ABCG1: variants seen among roughly 807,000 people sequenced by gnomAD.
ABCG1 encodes the protein ATP binding cassette subfamily G member 1.
A neutral mutation model predicts 69.2 loss-of-function variants in ABCG1; 29 were observed. The ratio of observed to expected loss-of-function variants is 0.42; its 90% confidence interval spans 0.31 to 0.57. The LOEUF (loss-of-function observed/expected upper bound fraction) is 0.57, where lower values mean the gene tolerates loss of function less well. ABCG1 is among the 20% of genes least tolerant of loss of function. The pLI, the probability that ABCG1 is intolerant of heterozygous loss-of-function variation, is 0.15. For missense variants in ABCG1, 718 were observed against 898.1 expected (o/e 0.80, Z 2.56); for synonymous variants, 370 against 374.8 (o/e 0.99, Z 0.15).
chr21:42,255,453 T>G (rs1174870721), intron 2 of ABCG1, among the ~76,000 whole-genome samples: 1 of 152,150 alleles, frequency 6.6e-6, no homozygotes, highest in Non-Finnish European at 1.5e-5. Flanking sequence ...TGTGTGGGTG[T>G]GTGTGCATGC....
intron 6 of ABCG1, among the ~76,000 whole-genome samples, chr21:42,284,292 C>G (rs980356407): frequency 2.6e-5 from 4 of 152,178 alleles, no homozygotes; most frequent in Admixed American, 6.5e-5. Context: ...GGGACCCCCC[C>G]CCAGTCCTGG....
chr21:42,207,263 T>A (rs1381635206), intron 2 of ABCG1, among the ~76,000 whole-genome samples: 1 of 152,194 alleles, frequency 6.6e-6, no homozygotes, highest in Non-Finnish European at 1.5e-5. Flanking sequence ...GTGTTCATTT[T>A]TTGTTCAGCT....
intron 1 of ABCG1, among the ~76,000 whole-genome samples, chr21:42,222,125 G>T (rs2067737957): frequency 6.6e-6 from 1 of 152,210 alleles, no homozygotes; most frequent in Non-Finnish European, 1.5e-5. Flanking sequence ...CAAAGACAAT[G>T]CTTCAGTAGG....
chr21:42,291,005 G>A lies in ABCG1; in HGVS notation c.1394-87G>A, dbSNP rs529224217. Reference sequence around the variant, plus strand: ...CTAGGCCAGAGCTGGGTTACCAGCCGCTCAGCTCAAGATCGCCTGTTGGGA... The same window carrying A: ...CTAGGCCAGAGCTGGGTTACCAGCCACTCAGCTCAAGATCGCCTGTTGGGA... On this transcript the variant is annotated intron_variant, in intron 11 of 14. Coordinates refer to ENST00000398449, the MANE Select transcript of ABCG1 (RefSeq NM_016818.3). The surrounding 1 kb of genome is among the most constrained non-coding windows in gnomAD (Gnocchi z 6.4). 38 of 970,904 alleles carry A rather than the reference G, an allele frequency of 3.9e-5. No homozygotes were observed. Among genetic ancestry groups the A allele is most frequent in the East Asian group, 3.2e-4 (13 of 40,338 alleles). The allele number at this position is 970,904 out of a possible 1,614,324, so 60.1% of individuals were successfully genotyped here. A position where few individuals can be genotyped will look rare whatever the true frequency, so the allele number is the denominator to read the frequency against.
Position 42,276,833 on chromosome 21 carries a change from G to A in ABCG1, c.538-62G>A. On this transcript the variant is annotated intron_variant, in intron 4 of 14. Transcript: ENST00000398449. The surrounding 1 kb of genome is among the most constrained non-coding windows in gnomAD (Gnocchi z 5.3). ...GCACCGTGGCCTGCAGTGCGGGCAT[G>A]AGGCTCACACTGCCAGTGGCCGTCT... is the stretch of plus-strand genomic sequence containing the variant. 6 of 1,567,010 alleles carry A rather than the reference G, an allele frequency of 3.8e-6. No individual in the cohort carries two copies. The highest frequency in any genetic ancestry group is 5.3e-6 in the Non-Finnish European group (6 of 1,138,516).
At chr21:42,282,546 T>G in intron 6 of ABCG1, 127 bp downstream of exon 6, 33 of 1,136,604 alleles carry the variant, frequency 2.9e-5, no homozygotes, top group Non-Finnish European at 3.6e-5. Context: ...ACCCGGCGGT[T>G]CCTCCTTCCA....
At chr21:42,281,375 G>T (rs2123768767) in intron 5 of ABCG1, among the ~76,000 whole-genome samples, 1 of 152,308 alleles carries the variant, frequency 6.6e-6, no homozygotes, top group South Asian at 2.1e-4. Context: ...CTGACCCAGG[G>T]CCTGCTTCTG....
rs962884778 is a variant in ABCG1 at position 42,282,189 on chromosome 21, G to A, written c.589-85G>A. The A allele has an allele frequency of 1.3e-4, 197 of 1,533,640 alleles. No individual in the cohort carries two copies. In the African/African-American group the frequency reaches 2.1e-3, roughly 16 times the overall value. ...ACGGTGTGTCCAGCAGGCTGAGGGC[G>A]GCTGGCAGGTCTTCCTGCATGGGCC... is the stretch of plus-strand genomic sequence containing the variant. On this transcript the variant is annotated intron_variant, in intron 5 of 14. Transcript: ENST00000398449.
chr21:42,222,889 C>T (rs1601348742), intron 1 of ABCG1, among the ~76,000 whole-genome samples: 1 of 152,232 alleles, frequency 6.6e-6, no homozygotes, highest in East Asian at 1.9e-4. Flanking sequence ...GTTTAGTCAC[C>T]CAGTTTTATC....
intron 2 of ABCG1, among the ~76,000 whole-genome samples, chr21:42,268,108 A>G (rs550764574): frequency 5.9e-5 from 9 of 152,182 alleles, no homozygotes; most frequent in Admixed American, 2.6e-4. Context: ...CAGTCTCTGC[A>G]CTTGTTATCC....
intron 2 of ABCG1, among the ~76,000 whole-genome samples, chr21:42,248,803 G>T (rs890889159): frequency 1.3e-5 from 2 of 151,680 alleles, no homozygotes; most frequent in Admixed American, 1.3e-4. Flanking sequence ...GTTACTTGGG[G>T]GGCTGAGGGA....
At chr21:42,264,761 G>T (rs1164292168) in intron 2 of ABCG1, among the ~76,000 whole-genome samples, 1 of 151,994 alleles carries the variant, frequency 6.6e-6, no homozygotes, top group Non-Finnish European at 1.5e-5. Context: ...ATGGCCACAT[G>T]GGGAAAGGGG....
chr21:42,259,887 G>A (rs1242841655), intron 2 of ABCG1: 2 of 1,447,142 alleles, frequency 1.4e-6, no homozygotes, highest in African/African-American at 2.9e-5. Flanking sequence ...GAGCACAGCG[G>A]GAGAAAGAAG....
upstream of ABCG1, chr21:42,218,998 G>C: frequency 4.4e-6 from 1 of 225,152 alleles, no homozygotes; most frequent in Non-Finnish European, 8.6e-6. Flanking sequence ...TGCACTTCAG[G>C]GGTCCTGGTC....
rs779410580 is a variant in ABCG1 at position 42,253,326 on chromosome 21, G to A, written c.287-17744G>A. Among the ~76,000 whole-genome samples the A allele has an allele frequency of 5.3e-4, 81 of 152,196 alleles. 1 individual carries two copies. Among genetic ancestry groups the A allele is most frequent in the Non-Finnish European group, 3.5e-4 (24 of 68,032 alleles). ...ACCAGAGATGAGCCGGCACCGCTGT[G>A]GGGGAAGGATCATCCCAGCCATCAT... On this transcript the variant is annotated intron_variant, in intron 2 of 14. Transcript: ENST00000398449.
At chr21:42,245,743 T>C (rs2068122183) in intron 2 of ABCG1, among the ~76,000 whole-genome samples, 1 of 152,100 alleles carries the variant, frequency 6.6e-6, no homozygotes, top group Admixed American at 6.5e-5. Flanking sequence ...TTTCCTTATC[T>C]ATTCCTGAGA....
In ABCG1 at chr21:42,284,630, A is replaced by G. The variant is rs1378908567; in HGVS notation, c.805A>G (p.Ile269Val). ...MKGLAQGGRSIICTIHQPSAK... is the reference protein window; with the variant it reads ...MKGLAQGGRSVICTIHQPSAK... ...AGGGCTCGCTCAAGGGGGTCGCTCC[A>G]TCATTTGCACCATCCACCAGCCCAG... Residue 269 changes from isoleucine to valine, a missense_variant, in exon 7 of 15, where the codon ATC becomes GTC. Around this residue, in one of 2 missense-constraint regions of ABCG1, gnomAD observed 514 missense variants for 574.3 expected, o/e 0.90. Coordinates refer to ENST00000398449, the MANE Select transcript of ABCG1 (RefSeq NM_016818.3). The G allele has an allele frequency of 5.3e-5, 85 of 1,613,832 alleles. No individual in the cohort carries two copies. Among genetic ancestry groups the G allele is most frequent in the Non-Finnish European group, 7.2e-5 (85 of 1,180,028 alleles).
upstream of ABCG1, among the ~76,000 whole-genome samples, chr21:42,212,982 C>T (rs183553979): frequency 7.2e-5 from 11 of 152,280 alleles, no homozygotes; most frequent in Admixed American, 1.3e-4. Flanking sequence ...CATGAGCCAC[C>T]GCACCTGGCC....
At position 42,276,722 on chromosome 21, in the gene ABCG1, CGTGGCT is replaced by C; in HGVS notation, c.538-172_538-167del. 1 of 652,064 alleles carries C rather than the reference CGTGGCT, an allele frequency of 1.5e-6. No individual in the cohort carries two copies. Among genetic ancestry groups the C allele is most frequent in the South Asian group, 1.8e-5 (1 of 55,420 alleles). 40.4% of individuals were successfully genotyped at this position (652,064 alleles called of 1,614,324 possible). On this transcript the variant is annotated intron_variant, in intron 4 of 14. Coordinates refer to ENST00000398449, the MANE Select transcript of ABCG1 (RefSeq NM_016818.3). This position sits in a 1 kb window ranked among gnomAD's most constrained non-coding sequence, Gnocchi z 5.3. ...CTAGTGGCACCGTGGCTAGCTGCACCGTGGCTAGCGGCATTGTGGCTAGCTGCACTG... is the reference window on the plus strand; with the variant it reads ...CTAGTGGCACCGTGGCTAGCTGCACCAGCGGCATTGTGGCTAGCTGCACTG...
Sources: allele counts gnomAD v4.1 joint callset (sites outside exome capture counted in the v4.1 genomes callset), GRCh38; gene constraint gnomAD v4.1.1; regional missense constraint gnomAD v4.1.1; non-coding constraint Gnocchi (gnomAD v3.1); transcripts MANE v1.5; gene names NCBI Gene and HGNC (gene_info 2026-07-23, HGNC 2026-07-21).